HACD2: variants seen among roughly 807,000 people sequenced by gnomAD.
HACD2 encodes the protein 3-hydroxyacyl-CoA dehydratase 2, also known as very-long-chain (3R)-3-hydroxyacyl-CoA dehydratase 2.
A neutral mutation model predicts 31.0 loss-of-function variants in HACD2; 15 were observed. The ratio of observed to expected loss-of-function variants is 0.48; its 90% confidence interval spans 0.32 to 0.75. The LOEUF (loss-of-function observed/expected upper bound fraction) is 0.75, where lower values mean the gene tolerates loss of function less well. Among genes scored for constraint, HACD2 ranks in the 30% least tolerant of loss-of-function variants. HACD2 has a pLI of 0.03. For missense variants in HACD2, 283 were observed against 313.0 expected, an observed-to-expected ratio of 0.90 and a Z score of 0.72; for synonymous variants, 115 against 122.2, an observed-to-expected ratio of 0.94 and a Z score of 0.39.
chr3:123,534,704 T>C (rs555166835), intron 3 of HACD2, among the ~76,000 whole-genome samples: 3 of 152,112 alleles, frequency 2.0e-5, no homozygotes, highest in South Asian at 4.2e-4. Flanking sequence ...GGCAGCTCCA[T>C]GTGTGTTAGT....
intron 4 of HACD2, 98 bp downstream of exon 4, chr3:123,528,275 ATGACCTGGAACTC>A (rs1177101698): frequency 2.3e-5 from 16 of 710,366 alleles, no homozygotes; most frequent in Non-Finnish European, 3.8e-5. Context: ...CTATATTGAC[ATGACCTGGAACTC>A]TGACCTGGAA....
At chr3:123,568,003 T>C (rs111721891) in intron 2 of HACD2, among the ~76,000 whole-genome samples, 7 of 152,342 alleles carry the variant, frequency 4.6e-5, no homozygotes, top group African/African-American at 1.7e-4. Context: ...TTGTGTATCT[T>C]TGAAGGATTT....
chr3:123,545,486 AAAAT>A (rs138722084), intron 3 of HACD2, among the ~76,000 whole-genome samples: 82,497 of 112,694 alleles, frequency 0.73, 31,360 homozygotes, highest in Non-Finnish European at 0.83. Flanking sequence ...AGTCTCAGTA[AAAAT>A]AAATAAATAA....
chr3:123,510,932 G>GTTTTTTTTTTTGTTTT (rs1559902782), intron 4 of HACD2, among the ~76,000 whole-genome samples: 2 of 142,638 alleles, frequency 1.4e-5, no homozygotes, highest in Admixed American at 6.9e-5. Flanking sequence ...CATTTGCTGT[G>GTTTTTTTTTTTGTTTT]TTTTTTTTTT....
intron 6 of HACD2, among the ~76,000 whole-genome samples, chr3:123,497,386 G>A (rs1460512547): frequency 1.3e-5 from 2 of 152,224 alleles, no homozygotes; most frequent in Non-Finnish European, 2.9e-5. Context: ...TGTGGGTGCT[G>A]CTGGGCCCTC....
chr3:123,491,986 G>C lies in HACD2; in HGVS notation c.*2902C>G, dbSNP rs1320294119. On this transcript the variant is annotated 3_prime_UTR_variant, in exon 7 of 7. Coordinates refer to ENST00000383657, the MANE Select transcript of HACD2 (RefSeq NM_198402.5). ...CCAAAAAAATAAGTGAAAAATGAGG[G>C]CACGATCTCTTCTTACACCTCTTCA... The C allele has an allele frequency of 2.6e-5, 4 of 152,142 alleles. No homozygotes were observed. Among genetic ancestry groups the C allele is most frequent in the Admixed American group, 2.0e-4 (3 of 15,268 alleles). 9.4% of individuals were successfully genotyped at this position (152,142 alleles called of 1,614,324 possible).
chr3:123,519,965 C>T (rs1310990501), intron 4 of HACD2, among the ~76,000 whole-genome samples: 4 of 152,186 alleles, frequency 2.6e-5, no homozygotes, highest in African/African-American at 9.6e-5. Flanking sequence ...GATAATAACG[C>T]TGACTGTACA....
At chr3:123,547,109 C>G (rs1418620310) in intron 3 of HACD2, among the ~76,000 whole-genome samples, 1 of 152,166 alleles carries the variant, frequency 6.6e-6, no homozygotes, top group African/African-American at 2.4e-5. Context: ...AGGTCAAGAT[C>G]TACCAGATAT....
intron 4 of HACD2, among the ~76,000 whole-genome samples, chr3:123,524,978 A>G (rs1411000292): frequency 6.6e-6 from 1 of 152,216 alleles, no homozygotes; most frequent in East Asian, 1.9e-4. Flanking sequence ...GAATGATCAT[A>G]ACGTACTTTA....
chr3:123,584,625 A>G (rs2057005407), intron 1 of HACD2: 1 of 318,554 alleles, frequency 3.1e-6, no homozygotes, highest in Non-Finnish European at 5.7e-6. Context: ...AGCGCCCGGC[A>G]GCCGTCCCCG....
At chr3:123,561,102 T>TTAC (rs2056723739) in intron 3 of HACD2, among the ~76,000 whole-genome samples, 1 of 152,056 alleles carries the variant, frequency 6.6e-6, no homozygotes, top group South Asian at 2.1e-4. Context: ...GGAGGGAGTG[T>TTAC]TACAGTTCAA....
At chr3:123,513,519 G>A (rs1218270154) in intron 4 of HACD2, among the ~76,000 whole-genome samples, 2 of 152,164 alleles carry the variant, frequency 1.3e-5, no homozygotes, top group Non-Finnish European at 2.9e-5. Context: ...ATCAGGGAAC[G>A]CTGAATGGAC....
At chr3:123,530,174 G>A (rs1048823532) in intron 3 of HACD2, among the ~76,000 whole-genome samples, 6 of 151,958 alleles carry the variant, frequency 3.9e-5, no homozygotes, top group Non-Finnish European at 7.4e-5. Context: ...CCCATATAGA[G>A]GAAGCCTTTG....
At chr3:123,578,412 A>G (rs2056930817) in intron 2 of HACD2, among the ~76,000 whole-genome samples, 1 of 152,156 alleles carries the variant, frequency 6.6e-6, no homozygotes, top group Non-Finnish European at 1.5e-5. Flanking sequence ...CTGGGACTAC[A>G]GGCATGTGCT....
chr3:123,517,410 C>T (rs1021902661), intron 4 of HACD2, among the ~76,000 whole-genome samples: 13 of 152,350 alleles, frequency 8.5e-5, no homozygotes, highest in African/African-American at 3.1e-4. Flanking sequence ...CTATTACCTT[C>T]AACTCAATTC....
intron 2 of HACD2, among the ~76,000 whole-genome samples, chr3:123,575,881 A>T (rs540608543): frequency 6.6e-6 from 1 of 152,298 alleles, no homozygotes; most frequent in East Asian, 1.9e-4. Context: ...ATAAACTCTC[A>T]CTAACCATAG....
intron 4 of HACD2, among the ~76,000 whole-genome samples, chr3:123,510,944 TG>T (rs1166400981): frequency 2.6e-4 from 34 of 130,042 alleles, no homozygotes; most frequent in East Asian, 2.3e-3. Context: ...TTTTTTTTTT[TG>T]TTTTTTTTTG....
intron 3 of HACD2, among the ~76,000 whole-genome samples, chr3:123,562,340 T>C (rs1485030628): frequency 6.6e-6 from 1 of 152,148 alleles, no homozygotes; most frequent in African/African-American, 2.4e-5. Flanking sequence ...GGAGGCCGTA[T>C]TTGCCAAGTT....
At position 123,500,677 on chromosome 3, in the gene HACD2, C is replaced by A; in HGVS notation, c.520G>T (p.Val174Leu). 6.2e-7 allele frequency: 1 copy of A among 1,600,068 alleles called. No homozygotes were observed. Among genetic ancestry groups the A allele is most frequent in the Non-Finnish European group, 8.5e-7 (1 of 1,176,138 alleles). Residue 174 changes from valine to leucine, a missense_variant, in exon 6 of 7, where the codon GTG becomes TTG. Around this residue, in one of 3 missense-constraint regions of HACD2, gnomAD observed 85 missense variants for 129.6 expected, o/e 0.66. Transcript: ENST00000383657. Reference sequence around the variant, plus strand: ...CCTGACACTCCCATTGGGTACAGCACAATGAAAAGTGTGTACCTAAAACAA... The same window carrying A: ...CCTGACACTCCCATTGGGTACAGCAAAATGAAAAGTGTGTACCTAAAACAA... ...IKWARYTLFI[V>L]LYPMGVSGEL...
Sources: allele counts gnomAD v4.1 joint callset (sites outside exome capture counted in the v4.1 genomes callset), GRCh38; gene constraint gnomAD v4.1.1; regional missense constraint gnomAD v4.1.1; transcripts MANE v1.5; gene names NCBI Gene and HGNC (gene_info 2026-07-23, HGNC 2026-07-21).